The following IPO5 variants were observed in gnomAD, a reference collection of about 807,000 sequenced individuals.
The protein encoded by IPO5 is importin 5, also known as importin-5.
A neutral mutation model predicts 143.3 loss-of-function variants in IPO5; 18 were observed. The ratio of observed to expected loss-of-function variants is 0.13; its 90% CI spans 0.09 to 0.19. IPO5 has a LOEUF of 0.19. Among genes scored for constraint, IPO5 ranks in the 10% least tolerant of loss-of-function variants. The pLI is 1.00. For missense variants in IPO5, 1,013 were observed against 1,336.9 expected (o/e 0.76, Z 3.78); for synonymous variants, 477 against 465.7 (o/e 1.02, Z -0.31).
chr13:97,982,521 C>A lies in IPO5; in HGVS notation c.109C>A (p.Pro37Thr). 6.2e-7 allele frequency: 1 copy of A among 1,612,552 alleles called. No individual in the cohort carries two copies. Among genetic ancestry groups the A allele is most frequent in the Non-Finnish European group, 8.5e-7 (1 of 1,178,920 alleles). ...KQAEETYENI[P>T]GQSKITFLLQ... ...CATGCAGGAAACCTATGAGAATATC[C>A]CAGGCCAGTCAAAGATCACATTCCT... The change falls in exon 5 of 29, where the codon CCA (proline) becomes ACA (threonine). Residue 37 changes from proline (P) to threonine (T), a missense_variant. Coordinates refer to ENST00000651721, the MANE Select transcript of IPO5 (RefSeq NM_002271.6).
intron 2 of IPO5, among the ~76,000 whole-genome samples, chr13:97,955,070 A>G (rs762585960): frequency 6.6e-6 from 1 of 152,060 alleles, no homozygotes; most frequent in Non-Finnish European, 1.5e-5. Flanking sequence ...TCTACAAAAT[A>G]TAGAAAAAAG....
intron 6 of IPO5, among the ~76,000 whole-genome samples, chr13:97,987,677 A>G (rs1887484459): frequency 6.6e-6 from 1 of 152,122 alleles, no homozygotes; most frequent in Admixed American, 6.5e-5. Flanking sequence ...TTTTTTTAGT[A>G]GAGATGGAGC....
chr13:97,961,228 G>A (rs991524722), intron 2 of IPO5, among the ~76,000 whole-genome samples: 5 of 152,188 alleles, frequency 3.3e-5, no homozygotes, highest in African/African-American at 1.2e-4. Flanking sequence ...ATTCACCAGT[G>A]GATGGACAGT....
intron 4 of IPO5, 55 bp downstream of exon 4, chr13:97,976,841 A>C: frequency 1.7e-5 from 12 of 720,744 alleles, no homozygotes; most frequent in South Asian, 2.0e-5. Flanking sequence ...CCGACCCTTT[A>C]CCGACGCCAG....
chr13:98,018,480 T>C lies in IPO5; in HGVS notation c.2617-5T>C. The C allele has an allele frequency of 1.2e-6, 2 of 1,604,618 alleles. No homozygotes were observed. Among genetic ancestry groups the C allele is most frequent in the African/African-American group, 1.3e-5 (1 of 74,816 alleles). Reference sequence around the variant, plus strand: ...TTGAAGCTTAAAAGAGAATTTCTTTTGTAGTGTCCACATAGACCATGGCCA... The same window carrying C: ...TTGAAGCTTAAAAGAGAATTTCTTTCGTAGTGTCCACATAGACCATGGCCA... On this transcript the variant is annotated splice_polypyrimidine_tract_variant and splice_region_variant and intron_variant, in intron 25 of 28. Coordinates refer to ENST00000651721, the MANE Select transcript of IPO5 (RefSeq NM_002271.6).
At chr13:97,991,671 C>T (rs1887813971) in intron 9 of IPO5, among the ~76,000 whole-genome samples, 1 of 152,094 alleles carries the variant, frequency 6.6e-6, no homozygotes, top group African/African-American at 2.4e-5. Flanking sequence ...GATTTCAGAG[C>T]ATTTTGGATT....
At chr13:97,977,536 G>T (rs1178455885) in intron 4 of IPO5, among the ~76,000 whole-genome samples, 1 of 152,184 alleles carries the variant, frequency 6.6e-6, no homozygotes, top group Non-Finnish European at 1.5e-5. Flanking sequence ...GACTTCCGTT[G>T]TTTAACTGGG....
Position 97,990,501 on chromosome 13 carries a change from C to A in IPO5, c.633C>A (p.Phe211Leu). The change falls in exon 9 of 29, where the codon TTC (phenylalanine) becomes TTA (leucine). Residue 211 changes from phenylalanine (F) to leucine (L), a missense_variant. Coordinates refer to ENST00000651721, the MANE Select transcript of IPO5 (RefSeq NM_002271.6). ...ILANEHNVAL[F>L]KHFADLLPGF... ...CAAATGAGCATAATGTTGCTCTGTTCAAACATTTTGCAGACTTGCTACCGG... is the reference window on the plus strand; with the variant it reads ...CAAATGAGCATAATGTTGCTCTGTTAAAACATTTTGCAGACTTGCTACCGG... The A allele has an allele frequency of 6.2e-7, 1 of 1,603,046 alleles. No individual in the cohort carries two copies. The highest frequency in any genetic ancestry group is 1.1e-5 in the South Asian group (1 of 88,330).
At chr13:97,992,154 T>C (rs1887857344) in intron 9 of IPO5, among the ~76,000 whole-genome samples, 1 of 152,254 alleles carries the variant, frequency 6.6e-6, no homozygotes, top group Non-Finnish European at 1.5e-5. Context: ...TTTAGTAGTT[T>C]ATTATCTGAA....
At chr13:98,012,106 T>C in intron 20 of IPO5, 140 bp from the exon 21 acceptor site, 1 of 581,306 alleles carries the variant, frequency 1.7e-6, no homozygotes, top group South Asian at 2.4e-5. Context: ...GAAGACTAAT[T>C]TGACAGTTCT....
At position 98,003,025 on chromosome 13, in the gene IPO5, G is replaced by A. The variant is rs1175383861; in HGVS notation, c.1485G>A (p.Leu495=). ...AACATCTGCATTCCATTATGGTACT[G>A]AAGCTTCAAGAGGTAAGTTTTAAGA... ...LVKHLHSIMV[L]KLQELIQKGT... is the part of the protein sequence containing the mutation. The change falls in exon 16 of 29, where the codon CTG becomes CTA. Residue 495 remains leucine, a synonymous_variant. Transcript: ENST00000651721. 6.2e-7 allele frequency: 1 copy of A among 1,606,062 alleles called. No homozygotes were observed. Among genetic ancestry groups the A allele is most frequent in the Non-Finnish European group, 8.5e-7 (1 of 1,177,256 alleles).
At chr13:97,977,297 C>G (rs535073174) in intron 4 of IPO5, among the ~76,000 whole-genome samples, 120 of 152,308 alleles carry the variant, frequency 7.9e-4, no homozygotes, top group African/African-American at 2.9e-3. Context: ...AAATATGTGC[C>G]CTGCCTTGTC....
intron 18 of IPO5, among the ~76,000 whole-genome samples, chr13:98,009,039 C>T (rs185771822): frequency 6.6e-6 from 1 of 152,156 alleles, no homozygotes; most frequent in East Asian, 1.9e-4. Context: ...AGACTGCTGA[C>T]AGTAGGGAGA....
At chr13:97,964,443 CTTTT>C (rs369952371) in intron 2 of IPO5, among the ~76,000 whole-genome samples, 1 of 108,214 alleles carries the variant, frequency 9.2e-6, no homozygotes, top group Non-Finnish European at 1.9e-5. Flanking sequence ...CCATTTCTTT[CTTTT>C]TTTTTTTTTT....
At chr13:97,975,942 T>C in intron 3 of IPO5, 1 of 985,424 alleles carries the variant, frequency 1.0e-6, no homozygotes, top group Non-Finnish European at 1.2e-6. Context: ...GCGCCCTGAG[T>C]CCACAGCCCT....
At position 97,993,136 on chromosome 13, in the gene IPO5, A is replaced by G. The variant is rs1309544223; in HGVS notation, c.824A>G (p.Gln275Arg). 1 of 1,614,004 alleles carries G rather than the reference A, an allele frequency of 6.2e-7. No individual in the cohort carries two copies. Among genetic ancestry groups the G allele is most frequent in the Non-Finnish European group, 8.5e-7 (1 of 1,179,972 alleles). ...LCGDTSLNNM[Q>R]RQLALEVIVT... Reference sequence around the variant, plus strand: ...GGAGACACTAGCCTCAACAATATGCAACGCCAGCTTGCCCTTGAAGTGATC... The same window carrying G: ...GGAGACACTAGCCTCAACAATATGCGACGCCAGCTTGCCCTTGAAGTGATC... The change falls in exon 11 of 29, where the codon CAA becomes CGA. Residue 275 changes from glutamine to arginine, a missense_variant. By Grantham distance (43) the Gln-to-Arg change is conservative (BLOSUM62 1). Coordinates refer to ENST00000651721, the MANE Select transcript of IPO5 (RefSeq NM_002271.6).
intron 22 of IPO5, among the ~76,000 whole-genome samples, chr13:98,014,437 C>G (rs554078399): frequency 6.6e-6 from 1 of 152,270 alleles, no homozygotes; most frequent in Non-Finnish European, 1.5e-5. Flanking sequence ...ACCACCACAC[C>G]TGGCTACTTT....
At chr13:97,976,893 G>T in intron 4 of IPO5, 107 bp downstream of exon 4, 1 of 216,990 alleles carries the variant, frequency 4.6e-6, no homozygotes, top group Non-Finnish European at 8.7e-6. Flanking sequence ...CGCGCAGGCT[G>T]GGCCCGGCGG....
intron 21 of IPO5, 69 bp downstream of exon 21, chr13:98,012,411 A>G: frequency 2.2e-6 from 2 of 929,558 alleles, no homozygotes; most frequent in East Asian, 2.4e-5. Flanking sequence ...GGAGTATTAG[A>G]CAGTGTTGAC....
Sources: gnomAD v4.1 joint callset for allele counts (sites outside exome capture counted in the v4.1 genomes callset) on GRCh38, gnomAD v4.1.1 for gene constraint, MANE v1.5 for transcripts, NCBI Gene and HGNC (gene_info 2026-07-23, HGNC 2026-07-21) for gene names.